CLNK: variants seen among roughly 807,000 people sequenced by gnomAD.
CLNK encodes the protein cytokine dependent hematopoietic cell linker, also known as cytokine-dependent hematopoietic cell linker.
A neutral mutation model predicts 68.6 loss-of-function variants in CLNK; 74 were observed. The ratio of observed to expected loss-of-function variants is 1.08; its 90% confidence interval spans 0.89 to 1.31. CLNK has a LOEUF of 1.31. Among genes scored for constraint, CLNK ranks in the 50% most tolerant of loss-of-function variants. CLNK has a pLI of 0.00. For missense variants in CLNK, 553 were observed against 515.3 expected, an observed-to-expected ratio of 1.07 and a Z score of -0.71; for synonymous variants, 198 against 172.2, an observed-to-expected ratio of 1.15 and a Z score of -1.17.
intron 7 of CLNK, among the ~76,000 whole-genome samples, chr4:10,563,722 C>T (rs1485888543): frequency 6.6e-6 from 1 of 152,078 alleles, no homozygotes; most frequent in Non-Finnish European, 1.5e-5. Flanking sequence ...GCCTGACCAA[C>T]ATGGTGAAAT....
chr4:10,610,339 C>A (rs1482963932), intron 2 of CLNK, among the ~76,000 whole-genome samples: 9 of 149,784 alleles, frequency 6.0e-5, no homozygotes, highest in Non-Finnish European at 1.0e-4. Flanking sequence ...CCACCGCGCC[C>A]GGCCCGTTTT....
At chr4:10,527,151 T>C (rs1718353592) in intron 13 of CLNK, among the ~76,000 whole-genome samples, 1 of 152,174 alleles carries the variant, frequency 6.6e-6, no homozygotes, top group Non-Finnish European at 1.5e-5. Flanking sequence ...AATGCCACAT[T>C]GTTGTGTTAA....
At chr4:10,551,561 C>A (rs965941597) in intron 8 of CLNK, among the ~76,000 whole-genome samples, 1 of 152,042 alleles carries the variant, frequency 6.6e-6, no homozygotes, top group Non-Finnish European at 1.5e-5. Flanking sequence ...GAGCCACCAC[C>A]CCCTCCTGTA....
intron 4 of CLNK, among the ~76,000 whole-genome samples, chr4:10,574,312 A>T (rs752636021): frequency 3.4e-5 from 5 of 148,694 alleles, no homozygotes; most frequent in South Asian, 2.2e-4. Flanking sequence ...GCTACCTTGA[A>T]CTCTCTTCTC....
chr4:10,683,057 C>T (rs77690586), intron 1 of CLNK, among the ~76,000 whole-genome samples: 1,732 of 152,000 alleles, frequency 0.011, 17 homozygotes, highest in Non-Finnish European at 0.019. Context: ...CCATATTTCA[C>T]GTAATATAAA....
At chr4:10,629,731 G>T (rs1209872406) in intron 2 of CLNK, among the ~76,000 whole-genome samples, 2 of 151,932 alleles carry the variant, frequency 1.3e-5, no homozygotes, top group East Asian at 3.9e-4. Flanking sequence ...TATAGAGTTT[G>T]GGGGGAAGGC....
At chr4:10,501,089 T>C (rs1028984812) in intron 18 of CLNK, among the ~76,000 whole-genome samples, 167 bp downstream of exon 18, 1 of 152,222 alleles carries the variant, frequency 6.6e-6, no homozygotes, top group African/African-American at 2.4e-5. Context: ...GCTGGCCTGG[T>C]AGGCCAAAGT....
chr4:10,525,726 G>T (rs2109053048), intron 14 of CLNK, 115 bp downstream of exon 14: 5 of 615,188 alleles, frequency 8.1e-6, no homozygotes, highest in Non-Finnish European at 1.4e-5. Flanking sequence ...CTCATTATTG[G>T]GCTTCAGAAA....
chr4:10,567,842 T>C (rs974674113), intron 5 of CLNK, among the ~76,000 whole-genome samples: 1 of 152,124 alleles, frequency 6.6e-6, no homozygotes, highest in Admixed American at 6.6e-5. Flanking sequence ...TCATTAGCCA[T>C]TAGGAAAATG....
chr4:10,671,287 G>A (rs1724626326), intron 1 of CLNK, among the ~76,000 whole-genome samples: 1 of 152,122 alleles, frequency 6.6e-6, no homozygotes, highest in Admixed American at 6.5e-5. Context: ...TAGGGAGGCT[G>A]AGGCAGGAGA....
At chr4:10,631,914 G>A (rs1013939996) in intron 2 of CLNK, among the ~76,000 whole-genome samples, 1 of 152,038 alleles carries the variant, frequency 6.6e-6, no homozygotes, top group Non-Finnish European at 1.5e-5. Flanking sequence ...CTTTTTTTGA[G>A]GTCTGTCTTT....
chr4:10,711,402 C>T, the CLNK span, among the ~76,000 whole-genome samples: 4 of 152,170 alleles, frequency 2.6e-5, no homozygotes, highest in South Asian at 2.1e-4. Flanking sequence ...AGTCACAGAA[C>T]ATTCTCTTCC....
chr4:10,576,496 G>A (rs1365819354), intron 4 of CLNK, among the ~76,000 whole-genome samples: 3 of 152,128 alleles, frequency 2.0e-5, no homozygotes, highest in Non-Finnish European at 4.4e-5. Flanking sequence ...TTTTAGGAGG[G>A]AAGTGAAGAT....
intron 2 of CLNK, among the ~76,000 whole-genome samples, chr4:10,622,294 G>A (rs1401522661): frequency 6.6e-6 from 1 of 152,162 alleles, no homozygotes; most frequent in Non-Finnish European, 1.5e-5. Context: ...TTAAAGGAGG[G>A]ACTCTGGGAG....
chr4:10,539,261 TG>T (rs1718922942), intron 11 of CLNK, among the ~76,000 whole-genome samples: 1 of 152,154 alleles, frequency 6.6e-6, no homozygotes, highest in Non-Finnish European at 1.5e-5. Flanking sequence ...AGGTGTTTCT[TG>T]GAAAACTTAT....
At chr4:10,709,874 C>A in the CLNK span, among the ~76,000 whole-genome samples, 1 of 152,154 alleles carries the variant, frequency 6.6e-6, no homozygotes, top group African/African-American at 2.4e-5. Context: ...TCCAAGATCA[C>A]CCCATCATGG....
chr4:10,729,407 T>C, the CLNK span, among the ~76,000 whole-genome samples: 1 of 152,196 alleles, frequency 6.6e-6, no homozygotes, highest in South Asian at 2.1e-4. Context: ...GTAATCCCAC[T>C]ACTGAGTATC....
intron 16 of CLNK, among the ~76,000 whole-genome samples, chr4:10,508,964 G>T (rs1268543995): frequency 6.6e-6 from 1 of 152,048 alleles, no homozygotes; most frequent in Non-Finnish European, 1.5e-5. Flanking sequence ...AAAATTAGCC[G>T]GGTGTAGTGA....
chr4:10,684,398 G>A (rs1725193079), intron 1 of CLNK, among the ~76,000 whole-genome samples: 1 of 152,174 alleles, frequency 6.6e-6, no homozygotes, highest in Admixed American at 6.5e-5. Flanking sequence ...CAGTCGGGGA[G>A]TCCAAGCTCC....
Sources: gnomAD v4.1 joint callset for allele counts (sites outside exome capture counted in the v4.1 genomes callset) on GRCh38, gnomAD v4.1.1 for gene constraint, MANE v1.5 for transcripts, NCBI Gene and HGNC (gene_info 2026-07-23, HGNC 2026-07-21) for gene names.